The following THBS4 variants were observed in gnomAD, a reference collection of about 807,000 sequenced individuals.
THBS4 encodes the protein thrombospondin-4.
THBS4 carries 90 observed loss-of-function variants against 115.7 expected under a neutral mutation model. That is an observed-to-expected ratio of 0.78 (90% CI 0.66 to 0.93). The LOEUF (loss-of-function observed/expected upper bound fraction) is 0.93. Ranked by LOEUF, THBS4 falls within the 40% of genes least tolerant of loss-of-function variation. THBS4 has a pLI of 0.00. For missense variants in THBS4, 1,087 were observed against 1,232.7 expected, an observed-to-expected ratio of 0.88 and a Z score of 1.77; for synonymous variants, 460 against 479.3, an observed-to-expected ratio of 0.96 and a Z score of 0.53.
At chr5:80,005,578 C>T (rs983526823) in intron 2 of THBS4, among the ~76,000 whole-genome samples, 2 of 152,042 alleles carry the variant, frequency 1.3e-5, no homozygotes, top group African/African-American at 4.8e-5. Context: ...GGTCCAGGCT[C>T]TGCTGTGTAT....
At chr5:80,067,026 G>C (rs541695178) in intron 9 of THBS4, 5 of 152,162 alleles carry the variant, frequency 3.3e-5, no homozygotes, top group African/African-American at 9.7e-5. Flanking sequence ...TACTTCAAAT[G>C]GATGTCTTTT....
upstream of THBS4, among the ~76,000 whole-genome samples, chr5:80,031,250 A>G (rs1306221740): frequency 6.6e-6 from 1 of 152,174 alleles, no homozygotes. Context: ...GGGTTCCTGT[A>G]CATGGGCTAG....
At chr5:80,070,948 CT>C in intron 12 of THBS4, 72 bp from the exon 13 acceptor site, 3 of 1,598,876 alleles carry the variant, frequency 1.9e-6, no homozygotes, top group Non-Finnish European at 2.6e-6. Context: ...CACCAGAGTG[CT>C]GATGCTTCAC....
At chr5:80,059,994 G>A in intron 7 of THBS4, 89 bp downstream of exon 7, 1 of 1,251,794 alleles carries the variant, frequency 8.0e-7, no homozygotes, top group Non-Finnish European at 1.1e-6. Flanking sequence ...GATGATTAAG[G>A]GCTGACTTGG....
At position 80,082,597 on chromosome 5, in the gene THBS4, A is replaced by G; in HGVS notation, c.2824+52A>G. 5 of 1,603,738 alleles carry G rather than the reference A, an allele frequency of 3.1e-6. No homozygotes were observed. In the South Asian group the frequency reaches 4.4e-5, roughly 14 times the overall value. ...ACATTGTTACTAGAATTAGTCAAAC[A>G]CTGCCACCTTATTTTTATACCGCAC... On this transcript the variant is annotated intron_variant, in intron 21 of 21. Coordinates refer to ENST00000350881, the MANE Select transcript of THBS4 (RefSeq NM_003248.6).
At chr5:80,073,362 G>A (rs1743001377) in intron 15 of THBS4, 35 bp downstream of exon 15, 1 of 1,598,208 alleles carries the variant, frequency 6.3e-7, no homozygotes, top group Non-Finnish European at 8.6e-7. Flanking sequence ...AGAGACAGAT[G>A]CAAACATCCG....
intron 1 of THBS4, among the ~76,000 whole-genome samples, chr5:79,993,256 A>G (rs1172121776): frequency 1.3e-5 from 2 of 152,228 alleles, no homozygotes; most frequent in African/African-American, 2.4e-5. Context: ...CCTTACACAC[A>G]GGTTTATTAG....
chr5:80,030,935 A>C (rs539642494), upstream of THBS4, among the ~76,000 whole-genome samples: 48 of 152,364 alleles, frequency 3.2e-4, no homozygotes, highest in African/African-American at 1.0e-3. Flanking sequence ...TATGTATAAA[A>C]CTTCTACTTA....
Position 80,079,067 on chromosome 5 carries a change from A to G in THBS4, c.2320A>G (p.Thr774Ala), listed in dbSNP as rs759777712. The part of the protein sequence containing the change: ...NSDPGLAVGY[T>A]AFNGVDFEGT... Reference sequence around the variant, plus strand: ...ATCTTATCTGGTCCCTACAGGGTACACAGCTTTTAATGGAGTTGACTTCGA... The same window carrying G: ...ATCTTATCTGGTCCCTACAGGGTACGCAGCTTTTAATGGAGTTGACTTCGA... Residue 774 changes from threonine to alanine, a missense_variant, in exon 19 of 22, where the codon ACA becomes GCA. By Grantham distance (58) the Thr-to-Ala change is moderately conservative (BLOSUM62 0). Transcript: ENST00000350881. 3.8e-5 allele frequency: 62 copies of G among 1,613,410 alleles called. No homozygotes were observed. The highest frequency in any genetic ancestry group is 5.1e-5 in the Non-Finnish European group (60 of 1,179,576).
intron 10 of THBS4, among the ~76,000 whole-genome samples, chr5:80,070,086 G>A (rs1157579742): frequency 1.3e-5 from 2 of 151,288 alleles, no homozygotes; most frequent in Admixed American, 1.3e-4. Context: ...GTGGGAGTGG[G>A]AGGGAGAGTT....
rs1343179530 is a variant in THBS4 at position 80,035,886 on chromosome 5, G to A, written c.88+261G>A. The A allele has an allele frequency of 2.7e-6, 2 of 743,330 alleles. No homozygotes were observed. Among genetic ancestry groups the A allele is most frequent in the African/African-American group, 1.8e-5 (1 of 54,754 alleles). The allele number at this position is 743,330 out of a possible 1,614,324, so 46.0% of individuals were successfully genotyped here. A position where few individuals can be genotyped will look rare whatever the true frequency, so the allele number is the denominator to read the frequency against. ...GTTTCAGACTATGCAAAGATGTGGG[G>A]TGGGGTTGCCTTCAAAACTTGCTAC... On this transcript the variant is annotated intron_variant, in intron 1 of 21. Coordinates refer to ENST00000350881, the MANE Select transcript of THBS4 (RefSeq NM_003248.6). The surrounding 1 kb of genome is among the most constrained non-coding windows in gnomAD (Gnocchi z 4.6).
chr5:80,042,378 CA>C (rs1482102175), intron 2 of THBS4, among the ~76,000 whole-genome samples: 3 of 152,224 alleles, frequency 2.0e-5, no homozygotes, highest in East Asian at 3.8e-4. Flanking sequence ...AGAGGCATTG[CA>C]AAGATTTTTC....
chr5:80,015,607 A>T (rs574765574), intron 2 of THBS4, among the ~76,000 whole-genome samples: 2 of 152,318 alleles, frequency 1.3e-5, no homozygotes, highest in East Asian at 3.9e-4. Flanking sequence ...CACTGGAACA[A>T]CATCATCCTC....
At position 80,056,099 on chromosome 5, in the gene THBS4, A is replaced by T. The variant is rs914467742; in HGVS notation, c.540+67A>T. On this transcript the variant is annotated intron_variant, in intron 3 of 21. Transcript: ENST00000350881. Reference sequence around the variant, plus strand: ...TGCCAGTGCCTAGGGAGTGCAGAGGAGCGTGCTGAGAAATTCCTGCTGCAG... The same window carrying T: ...TGCCAGTGCCTAGGGAGTGCAGAGGTGCGTGCTGAGAAATTCCTGCTGCAG... The T allele has an allele frequency of 1.7e-5, 25 of 1,495,048 alleles. No homozygotes were observed. In the African/African-American group the frequency reaches 3.5e-4, roughly 21 times the overall value. The allele number at this position is 1,495,048 out of a possible 1,614,324, so 92.6% of individuals were successfully genotyped here.
intron 2 of THBS4, among the ~76,000 whole-genome samples, chr5:80,044,695 G>C (rs1305895069): frequency 6.6e-6 from 1 of 151,974 alleles, no homozygotes; most frequent in Non-Finnish European, 1.5e-5. Context: ...AAATTGCTGG[G>C]CTTACAGGTC....
intron 1 of THBS4, among the ~76,000 whole-genome samples, chr5:79,995,355 C>T (rs769203182): frequency 6.6e-6 from 1 of 152,150 alleles, no homozygotes; most frequent in Non-Finnish European, 1.5e-5. Context: ...AGGAAGGTCA[C>T]TTGGCACCCT....
chr5:80,059,723 C>G lies in THBS4; in HGVS notation c.805C>G (p.Pro269Ala). The change falls in exon 7 of 22, where the codon CCG (proline) becomes GCG (alanine). Residue 269 changes from proline to alanine, a missense_variant. By Grantham distance (27) the Pro-to-Ala change is conservative. Coordinates refer to ENST00000350881, the MANE Select transcript of THBS4 (RefSeq NM_003248.6). ...TCTAGGTCCTCTCAAGTTTCAGTCTCCGACCCCAAGCACGGTGGTGCCCCC... is the reference window on the plus strand; with the variant it reads ...TCTAGGTCCTCTCAAGTTTCAGTCTGCGACCCCAAGCACGGTGGTGCCCCC... ...QACGPLKFQS[P>A]TPSTVVPPAP... 1 of 1,614,182 alleles carries G rather than the reference C, an allele frequency of 6.2e-7. No individual in the cohort carries two copies. Among genetic ancestry groups the G allele is most frequent in the Non-Finnish European group, 8.5e-7 (1 of 1,180,030 alleles).
upstream of THBS4, among the ~76,000 whole-genome samples, chr5:80,033,930 A>G (rs1733201008): frequency 1.3e-5 from 2 of 152,188 alleles, no homozygotes; most frequent in African/African-American, 2.4e-5. Flanking sequence ...GAGCATCCAA[A>G]TATTGTCTTC....
At chr5:80,060,051 A>C in intron 7 of THBS4, 146 bp downstream of exon 7, 1 of 727,858 alleles carries the variant, frequency 1.4e-6, no homozygotes, top group African/African-American at 1.8e-5. Flanking sequence ...AGACCCTGAG[A>C]CAAGGGATGG....
Sources: gnomAD v4.1 joint callset for allele counts (sites outside exome capture counted in the v4.1 genomes callset) on GRCh38, gnomAD v4.1.1 for gene constraint, Gnocchi (gnomAD v3.1) non-coding constraint, MANE v1.5 for transcripts, NCBI Gene and HGNC (gene_info 2026-07-23, HGNC 2026-07-21) for gene names.